Variants in MCTP1 observed in about 807,000 individuals in gnomAD.
The protein encoded by MCTP1 is multiple C2 and transmembrane domain containing 1.
A neutral mutation model predicts 120.6 loss-of-function variants in MCTP1; 69 were observed. The observed-to-expected ratio is 0.57, with a 90% CI of 0.47 to 0.70. MCTP1 has a LOEUF of 0.70. Among genes scored for constraint, MCTP1 ranks in the 30% least tolerant of loss-of-function variants. The pLI is 0.00. For synonymous variants in MCTP1, 529 were observed against 493.1 expected, an observed-to-expected ratio of 1.07 and a Z score of -0.96; for missense variants, 1,203 against 1,248.8, an observed-to-expected ratio of 0.96 and a Z score of 0.55.
chr5:95,158,489 A>G (rs1383009331), intron 1 of MCTP1, among the ~76,000 whole-genome samples: 1 of 152,240 alleles, frequency 6.6e-6, no homozygotes, highest in African/African-American at 2.4e-5. Flanking sequence ...TAAATCTGGT[A>G]CTTTTTAAGA....
chr5:95,135,226 A>C (rs1759362416), intron 1 of MCTP1, among the ~76,000 whole-genome samples: 1 of 152,194 alleles, frequency 6.6e-6, no homozygotes, highest in Non-Finnish European at 1.5e-5. Flanking sequence ...GATAATAAGA[A>C]TACATATTCT....
In MCTP1 at chr5:94,832,609, A is replaced by AACACAC. The variant is rs59233492; in HGVS notation, c.2437-33483_2437-33478dup. On this transcript the variant is annotated intron_variant, in intron 17 of 22. Transcript: ENST00000515393. ...CCTTTCTCTTGCTTTGGGCTAGCTG[A>AACACAC]ACACACACACACACACACACACACA... Among the ~76,000 whole-genome samples the AACACAC allele has an allele frequency of 5.1e-3, 747 of 147,220 alleles. 6 individuals are homozygous for AACACAC. Among genetic ancestry groups the AACACAC allele is most frequent in the Admixed American group, 0.013 (198 of 14,682 alleles).
At chr5:94,921,437 C>A (rs886686578) in intron 7 of MCTP1, among the ~76,000 whole-genome samples, 1 of 152,174 alleles carries the variant, frequency 6.6e-6, no homozygotes, top group Non-Finnish European at 1.5e-5. Flanking sequence ...ATCTCTTGGA[C>A]ACATGTATTG....
chr5:95,097,714 T>A (rs975109093), intron 1 of MCTP1, among the ~76,000 whole-genome samples: 1 of 152,296 alleles, frequency 6.6e-6, no homozygotes, highest in Non-Finnish European at 1.5e-5. Flanking sequence ...GTTCCGGGAA[T>A]CCAGGTAGCC....
At chr5:95,274,006 C>T (rs778613958) in intron 1 of MCTP1, among the ~76,000 whole-genome samples, 1 of 152,200 alleles carries the variant, frequency 6.6e-6, no homozygotes, top group Non-Finnish European at 1.5e-5. Flanking sequence ...TCCACATGTT[C>T]TCCTGTTTCC....
chr5:94,730,736 T>C (rs910089362), intron 19 of MCTP1, among the ~76,000 whole-genome samples: 1 of 152,198 alleles, frequency 6.6e-6, no homozygotes, highest in African/African-American at 2.4e-5. Flanking sequence ...TATCTGTAAC[T>C]TGCCCTTTAC....
rs537194995 is a variant in MCTP1 at position 94,993,447 on chromosome 5, T to C, written c.838+23920A>G. On this transcript the variant is annotated intron_variant, in intron 2 of 22. Transcript: ENST00000515393. ...AATGTCTCTTTTTTTCCCAGGACTA[T>C]TTTCTCTTCATAGAGCCATGACTTT... Among the ~76,000 whole-genome samples the C allele has an allele frequency of 2.2e-4, 33 of 152,318 alleles. 2 individuals are homozygous for C. The South Asian group carries it at 6.4e-3, about 30-fold the overall frequency.
chr5:94,708,467 C>CACTACATTAAAATAATAGCAATAATAAT, intron 22 of MCTP1, 45 bp downstream of exon 22: 1 of 1,188,376 alleles, frequency 8.4e-7, no homozygotes. Context: ...CCCCATGCCA[C>CACTACATTAAAATAATAGCAATAATAAT]ACTACATTAA....
chr5:94,766,062 T>C (rs2152875354), intron 19 of MCTP1, among the ~76,000 whole-genome samples: 1 of 152,204 alleles, frequency 6.6e-6, no homozygotes, highest in African/African-American at 2.4e-5. Flanking sequence ...CCAGCCAACA[T>C]GGCGAAACCC....
chr5:94,905,697 G>T (rs959472182), intron 10 of MCTP1, among the ~76,000 whole-genome samples: 1 of 152,208 alleles, frequency 6.6e-6, no homozygotes, highest in African/African-American at 2.4e-5. Flanking sequence ...TGGGACTGAA[G>T]GTTAGAAGTT....
chr5:94,739,095 A>C (rs976032498), intron 19 of MCTP1: 1 of 152,220 alleles, frequency 6.6e-6, no homozygotes, highest in African/African-American at 2.4e-5. Flanking sequence ...CTTGGTATTT[A>C]TGGTGAAAAT....
intron 19 of MCTP1, among the ~76,000 whole-genome samples, chr5:94,723,663 T>C (rs1339374620): frequency 6.6e-6 from 1 of 152,182 alleles, no homozygotes; most frequent in Non-Finnish European, 1.5e-5. Flanking sequence ...AGCTCATTTC[T>C]ACTACATAAT....
At chr5:95,014,391 T>C (rs1192206249) in intron 2 of MCTP1, among the ~76,000 whole-genome samples, 9 of 152,082 alleles carry the variant, frequency 5.9e-5, no homozygotes, top group Non-Finnish European at 1.3e-4. Context: ...AAGACTTCAG[T>C]GGAGGAAGTA....
At chr5:94,998,708 T>A (rs534407845) in intron 2 of MCTP1, among the ~76,000 whole-genome samples, 1 of 152,306 alleles carries the variant, frequency 6.6e-6, no homozygotes, top group South Asian at 2.1e-4. Flanking sequence ...ACAAAATCTC[T>A]TTGTGCCCTA....
intron 2 of MCTP1, among the ~76,000 whole-genome samples, chr5:94,992,934 T>A (rs1831887882): frequency 6.6e-6 from 1 of 152,216 alleles, no homozygotes; most frequent in South Asian, 2.1e-4. Flanking sequence ...TAATAAAATA[T>A]CATTTAAAAG....
chr5:94,967,457 C>T (rs540870743), intron 2 of MCTP1, among the ~76,000 whole-genome samples: 1 of 152,182 alleles, frequency 6.6e-6, no homozygotes, highest in African/African-American at 2.4e-5. Flanking sequence ...TACAACTAGG[C>T]TGCTGGAACC....
At chr5:94,777,825 A>G (rs916241194) in intron 19 of MCTP1, among the ~76,000 whole-genome samples, 2 of 152,120 alleles carry the variant, frequency 1.3e-5, no homozygotes, top group African/African-American at 2.4e-5. Context: ...TTTATGTTTG[A>G]TGATGTTGCT....
chr5:95,118,639 A>G (rs1757993025), intron 1 of MCTP1, among the ~76,000 whole-genome samples: 2 of 152,236 alleles, frequency 1.3e-5, no homozygotes, highest in African/African-American at 4.8e-5. Flanking sequence ...GTTGCCTACA[A>G]GAAACACACT....
intron 1 of MCTP1, among the ~76,000 whole-genome samples, chr5:95,054,779 C>T (rs1421054470): frequency 1.4e-5 from 2 of 146,158 alleles, no homozygotes; most frequent in African/African-American, 2.5e-5. Flanking sequence ...AATATGAATC[C>T]ACAGTGTTTT....
Sources: gnomAD v4.1 joint callset for allele counts (sites outside exome capture counted in the v4.1 genomes callset) on GRCh38, gnomAD v4.1.1 for gene constraint, MANE v1.5 for transcripts, NCBI Gene and HGNC (gene_info 2026-07-23, HGNC 2026-07-21) for gene names.